The following GYPC variants were observed in gnomAD, a reference collection of about 807,000 sequenced individuals.
The protein encoded by GYPC is glycophorin-C.
GYPC carries 14 observed loss-of-function variants against 12.6 expected under a neutral mutation model. That is an observed-to-expected ratio of 1.11 (90% confidence interval 0.74 to 1.74). The LOEUF (loss-of-function observed/expected upper bound fraction) is 1.74. Among genes scored for constraint, GYPC ranks in the 40% most tolerant of loss-of-function variants. GYPC has a pLI of 0.00. For missense variants in GYPC, 225 were observed against 172.1 expected, an observed-to-expected ratio of 1.31 and a Z score of -1.72; for synonymous variants, 78 against 62.1, an observed-to-expected ratio of 1.26 and a Z score of -1.20.
Position 126,690,205 on chromosome 2 carries a change from G to A in GYPC, c.50-50G>A, listed in dbSNP as rs748540680. On this transcript the variant is annotated intron_variant, in intron 1 of 3. Coordinates refer to ENST00000259254, the MANE Select transcript of GYPC (RefSeq NM_002101.5). Reference sequence around the variant, plus strand: ...GCAGCTTGGGCCAAGGTGCTGCTAGGCATGGAGAGTCTTCCTCTCTGACCT... The same window carrying A: ...GCAGCTTGGGCCAAGGTGCTGCTAGACATGGAGAGTCTTCCTCTCTGACCT... 29 of 1,374,174 alleles carry A rather than the reference G, an allele frequency of 2.1e-5. No individual in the cohort carries two copies. In the South Asian group the frequency reaches 3.4e-4, roughly 16 times the overall value. The allele number at this position is 1,374,174 out of a possible 1,614,324, so 85.1% of individuals were successfully genotyped here.
Position 126,696,172 on chromosome 2 carries a change from C to T in GYPC, c.*30C>T. The T allele has an allele frequency of 1.3e-6, 2 of 1,503,418 alleles. No individual in the cohort carries two copies. The allele number at this position is 1,503,418 out of a possible 1,614,324, so 93.1% of individuals were successfully genotyped here. On this transcript the variant is annotated 3_prime_UTR_variant, in exon 4 of 4. Coordinates refer to ENST00000259254, the MANE Select transcript of GYPC (RefSeq NM_002101.5). ...CAACAGACTTCACTTCCCTGAATGC[C>T]TCCCCCATCTCCATCAGGAAAAATA...
chr2:126,687,674 G>A (rs1213450932), intron 1 of GYPC, among the ~76,000 whole-genome samples: 1 of 152,228 alleles, frequency 6.6e-6, no homozygotes, highest in Non-Finnish European at 1.5e-5. Flanking sequence ...TGCCCACCAC[G>A]CTCCTCAGAG....
chr2:126,672,955 C>G (rs1682891643), intron 1 of GYPC, among the ~76,000 whole-genome samples: 1 of 152,092 alleles, frequency 6.6e-6, no homozygotes, highest in Non-Finnish European at 1.5e-5. Context: ...CAGTATTCCA[C>G]CACCTCAGTC....
chr2:126,686,666 G>C (rs573325256), intron 1 of GYPC: 1 of 982,636 alleles, frequency 1.0e-6, no homozygotes, highest in Non-Finnish European at 1.2e-6. Flanking sequence ...GCAGGGGGCC[G>C]GGGGGACCTT....
intron 1 of GYPC, among the ~76,000 whole-genome samples, chr2:126,670,080 C>G (rs1400792723): frequency 6.6e-6 from 1 of 152,206 alleles, no homozygotes; most frequent in Non-Finnish European, 1.5e-5. Context: ...AAAGACGGTT[C>G]TCCTTTGAAT....
At chr2:126,663,194 C>T (rs938906920) in intron 1 of GYPC, among the ~76,000 whole-genome samples, 4 of 152,152 alleles carry the variant, frequency 2.6e-5, no homozygotes, top group African/African-American at 9.7e-5. Context: ...TGTGCCACCA[C>T]GCCCAGCTAA....
At chr2:126,677,347 G>A (rs1220428384) in intron 1 of GYPC, among the ~76,000 whole-genome samples, 1 of 128,882 alleles carries the variant, frequency 7.8e-6, no homozygotes, top group Admixed American at 7.7e-5. Context: ...AAGAAAGAAT[G>A]TGTGTGTGAG....
chr2:126,673,611 C>T (rs980653919), intron 1 of GYPC, among the ~76,000 whole-genome samples: 5 of 152,202 alleles, frequency 3.3e-5, no homozygotes, highest in East Asian at 1.9e-4. Context: ...GGCGGAGCCA[C>T]GACTAGAATT....
intron 1 of GYPC, among the ~76,000 whole-genome samples, chr2:126,673,427 C>G (rs1349313166): frequency 1.3e-5 from 2 of 152,134 alleles, no homozygotes; most frequent in African/African-American, 4.8e-5. Context: ...GTTCACTGAG[C>G]CCTCCGTGTG....
chr2:126,685,015 A>C (rs1399622875), intron 1 of GYPC, among the ~76,000 whole-genome samples: 1 of 152,172 alleles, frequency 6.6e-6, no homozygotes, highest in African/African-American at 2.4e-5. Flanking sequence ...GGAGAAATGG[A>C]TGCGTGGGTA....
chr2:126,693,991 G>T (rs768320844), intron 3 of GYPC, 44 bp downstream of exon 3: 2 of 1,341,472 alleles, frequency 1.5e-6, no homozygotes, highest in Admixed American at 1.7e-5. Context: ...AGGGTGGGGG[G>T]CCTTGGTGAA....
At chr2:126,686,397 G>A (rs1222951370) in intron 1 of GYPC, 1 of 985,580 alleles carries the variant, frequency 1.0e-6, no homozygotes, top group Non-Finnish European at 1.2e-6. Flanking sequence ...CCAGAGAATG[G>A]ACAGCTGACA....
intron 1 of GYPC, among the ~76,000 whole-genome samples, chr2:126,677,521 G>A (rs1683036398): frequency 1.2e-5 from 1 of 80,990 alleles, no homozygotes; most frequent in African/African-American, 4.2e-5. Context: ...GTGTGAGTCT[G>A]TGTGTGTGTG....
intron 1 of GYPC, among the ~76,000 whole-genome samples, chr2:126,664,215 T>C (rs930812687): frequency 6.6e-6 from 1 of 152,182 alleles, no homozygotes; most frequent in Non-Finnish European, 1.5e-5. Flanking sequence ...AGTCTTTTTT[T>C]TTTCTTTGTC....
intron 1 of GYPC, among the ~76,000 whole-genome samples, chr2:126,660,781 G>A (rs1329828388): frequency 1.6e-4 from 25 of 152,140 alleles, no homozygotes; most frequent in Admixed American, 1.4e-3. Context: ...GGACTTGGAG[G>A]CCAGTAAATA....
At chr2:126,681,776 T>G in intron 1 of GYPC, among the ~76,000 whole-genome samples, 1 of 34,722 alleles carries the variant, frequency 2.9e-5, no homozygotes, top group African/African-American at 1.1e-4. Context: ...AAAAACTTCA[T>G]CCAAAAAAAA....
At chr2:126,686,859 T>C (rs959936035) in intron 1 of GYPC, among the ~76,000 whole-genome samples, 6 of 151,726 alleles carry the variant, frequency 4.0e-5, no homozygotes, top group Admixed American at 6.6e-5. Flanking sequence ...TGCCCGCAGA[T>C]CACCCCCATC....
At chr2:126,684,630 C>A (rs192610408) in intron 1 of GYPC, among the ~76,000 whole-genome samples, 1 of 152,324 alleles carries the variant, frequency 6.6e-6, no homozygotes, top group Admixed American at 6.5e-5. Context: ...ATGCATTTGT[C>A]CTTGTCGGTT....
Position 126,696,238 on chromosome 2 carries a change from A to T in GYPC, c.*96A>T. The T allele has an allele frequency of 1.1e-6, 1 of 894,238 alleles. No individual in the cohort carries two copies. The highest frequency in any genetic ancestry group is 2.6e-5 in the East Asian group (1 of 38,136). The allele number at this position is 894,238 out of a possible 1,614,324, so 55.4% of individuals were successfully genotyped here. A position where few individuals can be genotyped will look rare whatever the true frequency, so the allele number is the denominator to read the frequency against. On this transcript the variant is annotated 3_prime_UTR_variant, in exon 4 of 4. Transcript: ENST00000259254. The stretch of plus-strand genomic sequence containing the variant: ...CACCCCTGCTGATACCACCAGACAG[A>T]GAGAGAGAGCACTTGATTCTTCCCG...
Sources: gnomAD v4.1 joint callset for allele counts (sites outside exome capture counted in the v4.1 genomes callset) on GRCh38, gnomAD v4.1.1 for gene constraint, MANE v1.5 for transcripts, NCBI Gene and HGNC (gene_info 2026-07-23, HGNC 2026-07-21) for gene names.